ATAD2: variants seen among roughly 807,000 people sequenced by gnomAD.
ATAD2 encodes ATPase family AAA domain-containing protein 2.
Under a neutral mutation model 168.9 loss-of-function variants are expected in ATAD2, and 62 were observed. The observed-to-expected ratio is 0.37, with a 90% CI of 0.30 to 0.45. The LOEUF (loss-of-function observed/expected upper bound fraction) is 0.45. Ranked by LOEUF, ATAD2 falls within the 20% of genes least tolerant of loss-of-function variation. The pLI is 1.00. For synonymous variants in ATAD2, 613 were observed against 571.6 expected (o/e 1.07, Z -1.03); for missense variants, 1,419 against 1,667.8 (o/e 0.85, Z 2.60).
At chr8:123,380,380 T>G in intron 2 of ATAD2, 149 bp downstream of exon 2, 1 of 868,172 alleles carries the variant, frequency 1.2e-6, no homozygotes, top group South Asian at 1.7e-5. Flanking sequence ...TTAGTCATAC[T>G]CACTTGTGAT....
intron 26 of ATAD2, among the ~76,000 whole-genome samples, chr8:123,323,519 T>G (rs1827529553): frequency 6.6e-6 from 1 of 152,198 alleles, no homozygotes; most frequent in Admixed American, 6.5e-5. Context: ...TTCCATCTGC[T>G]AAGTGTTTTT....
chr8:123,400,222 G>A (rs951363712), upstream of ATAD2, among the ~76,000 whole-genome samples: 3 of 152,138 alleles, frequency 2.0e-5, no homozygotes, highest in South Asian at 2.1e-4. This position sits in a 1 kb window ranked among gnomAD's most constrained non-coding sequence, Gnocchi z 4.5. Context: ...TAGATGACAC[G>A]TAAAATATGA....
intron 1 of ATAD2, among the ~76,000 whole-genome samples, chr8:123,386,840 G>C (rs1829659537): frequency 1.3e-5 from 2 of 151,544 alleles, no homozygotes; most frequent in South Asian, 4.2e-4. Flanking sequence ...GAGAATCTTT[G>C]ATGTGCATAG....
At chr8:123,348,605 G>A (rs1586872201) in intron 14 of ATAD2, among the ~76,000 whole-genome samples, 3 of 152,088 alleles carry the variant, frequency 2.0e-5, no homozygotes, top group East Asian at 3.9e-4. Context: ...TGAATCCCGG[G>A]GACGGAAGTT....
intron 2 of ATAD2, among the ~76,000 whole-genome samples, chr8:123,373,230 G>T (rs987275758): frequency 4.0e-5 from 6 of 151,474 alleles, no homozygotes; most frequent in African/African-American, 1.5e-4. Flanking sequence ...TGGGGCGGGG[G>T]GGGTCTCGCT....
At chr8:123,359,714 C>T (rs1409414135) in intron 9 of ATAD2, 29 bp from the exon 10 acceptor site, 3 of 1,494,798 alleles carry the variant, frequency 2.0e-6, no homozygotes, top group Non-Finnish European at 2.8e-6. Context: ...TAAAACCACA[C>T]AAACCCATCA....
chr8:123,320,940 A>C lies in ATAD2; in HGVS notation c.*194T>G. On this transcript the variant is annotated 3_prime_UTR_variant, in exon 28 of 28. Transcript: ENST00000287394. ...GGTCTTGTTCTAGCAAAGTTCCAAT[A>C]TTTATCAGTTATCTTACACATGACA... is the stretch of plus-strand genomic sequence containing the variant. 1.8e-6 allele frequency: 1 copy of C among 542,050 alleles called. No homozygotes were observed. Among genetic ancestry groups the C allele is most frequent in the Non-Finnish European group, 3.1e-6 (1 of 318,282 alleles). The allele number at this position is 542,050 out of a possible 1,614,324, so 33.6% of individuals were successfully genotyped here.
At chr8:123,348,568 T>C (rs1427841214) in intron 14 of ATAD2, among the ~76,000 whole-genome samples, 1 of 152,144 alleles carries the variant, frequency 6.6e-6, no homozygotes, top group African/African-American at 2.4e-5. Context: ...TCCCAGCTAC[T>C]TGGGAGTCTG....
intron 8 of ATAD2, among the ~76,000 whole-genome samples, chr8:123,363,904 A>G (rs1004371627): frequency 2.6e-5 from 4 of 152,216 alleles, no homozygotes; most frequent in African/African-American, 7.2e-5. Context: ...TGATAGTGTC[A>G]GAATTCAAAC....
intron 27 of ATAD2, among the ~76,000 whole-genome samples, chr8:123,322,566 G>C (rs1363177875): frequency 6.6e-6 from 1 of 152,152 alleles, no homozygotes; most frequent in African/African-American, 2.4e-5. Flanking sequence ...CTACTTGGGA[G>C]GCTGAGGCAG....
intron 24 of ATAD2, among the ~76,000 whole-genome samples, chr8:123,330,630 G>A (rs1827752979): frequency 6.6e-6 from 1 of 152,114 alleles, no homozygotes; most frequent in Admixed American, 6.5e-5. Flanking sequence ...CCAAAATGCT[G>A]GGATTACAGG....
chr8:123,400,773 C>T (rs1280733567), upstream of ATAD2: 4 of 823,332 alleles, frequency 4.9e-6, no homozygotes, highest in African/African-American at 6.7e-5. This position sits in a 1 kb window ranked among gnomAD's most constrained non-coding sequence, Gnocchi z 4.5. Flanking sequence ...CGCCGCTGAT[C>T]TCCTCCTCCA....
intron 17 of ATAD2, 107 bp from the exon 18 acceptor site, chr8:123,346,379 G>T: frequency 8.8e-7 from 1 of 1,136,642 alleles, no homozygotes; most frequent in Non-Finnish European, 1.2e-6. Context: ...TGCCAATAAG[G>T]CCAACCAATC....
intron 9 of ATAD2, among the ~76,000 whole-genome samples, chr8:123,360,427 C>A (rs538925600): frequency 6.6e-6 from 1 of 151,322 alleles, no homozygotes; most frequent in East Asian, 1.9e-4. Flanking sequence ...CTGCAATCTT[C>A]GCCTCCTGGG....
At chr8:123,385,006 C>A (rs1829607321) in intron 1 of ATAD2, among the ~76,000 whole-genome samples, 1 of 152,186 alleles carries the variant, frequency 6.6e-6, no homozygotes, top group African/African-American at 2.4e-5. Flanking sequence ...GTACTTTGTA[C>A]AACTTGTTTA....
chr8:123,405,632 C>T (rs989430294), intron 1 of ATAD2, among the ~76,000 whole-genome samples: 1 of 152,210 alleles, frequency 6.6e-6, no homozygotes, highest in African/African-American at 2.4e-5. Context: ...TATTAATTTT[C>T]ACCCTGTTTA....
chr8:123,388,877 C>T lies in ATAD2; in HGVS notation c.171+7310G>A, dbSNP rs940738832. Among the ~76,000 whole-genome samples the T allele has an allele frequency of 2.0e-5, 3 of 151,886 alleles. 1 individual carries two copies. The South Asian group carries it at 6.2e-4, about 32-fold the overall frequency. On this transcript the variant is annotated intron_variant, in intron 1 of 27. Transcript: ENST00000287394. ...CTTCGGTCCCTTGGTTTACTTAATA[C>T]TCTTAGTTCCATGATTCAACTTCTC...
intron 1 of ATAD2, among the ~76,000 whole-genome samples, chr8:123,386,455 G>T (rs541545396): frequency 1.3e-5 from 2 of 152,136 alleles, no homozygotes; most frequent in Non-Finnish European, 2.9e-5. Flanking sequence ...GAGATTCAGA[G>T]AACAGTCACA....
chr8:123,334,175 C>A, intron 23 of ATAD2, 25 bp downstream of exon 23: 3 of 1,564,394 alleles, frequency 1.9e-6, no homozygotes, highest in Non-Finnish European at 2.6e-6. Flanking sequence ...TAGGTTGGTA[C>A]AAATCAACCA....
Sources: allele counts gnomAD v4.1 joint callset (sites outside exome capture counted in the v4.1 genomes callset), GRCh38; gene constraint gnomAD v4.1.1; non-coding constraint Gnocchi (gnomAD v3.1); transcripts MANE v1.5; gene names NCBI Gene and HGNC (gene_info 2026-07-23, HGNC 2026-07-21).